The following PIBF1 variants were observed in gnomAD, a reference collection of about 807,000 sequenced individuals.
PIBF1 encodes the protein progesterone-induced-blocking factor 1.
PIBF1 carries 90 observed loss-of-function variants against 112.5 expected under a neutral mutation model. The observed-to-expected ratio is 0.80, with a 90% CI of 0.67 to 0.95. The LOEUF is 0.95. Among genes scored for constraint, PIBF1 ranks in the 40% least tolerant of loss-of-function variants. PIBF1 has a pLI of 0.00. For missense variants in PIBF1, 915 were observed against 852.3 expected (o/e 1.07, Z -0.92); for synonymous variants, 301 against 288.6 (o/e 1.04, Z -0.44).
At chr13:73,001,344 A>G (rs911928432) in intron 17 of PIBF1, among the ~76,000 whole-genome samples, 2 of 152,192 alleles carry the variant, frequency 1.3e-5, no homozygotes, top group Non-Finnish European at 1.5e-5. Context: ...AGAGCTAATC[A>G]TTTTATAATC....
intron 17 of PIBF1, among the ~76,000 whole-genome samples, chr13:73,012,123 G>C (rs868000102): frequency 3.9e-5 from 6 of 152,106 alleles, no homozygotes; most frequent in African/African-American, 1.4e-4. Flanking sequence ...AGGCCGAGGC[G>C]AGCAGATCAC....
chr13:72,898,849 A>C (rs1244141019), intron 11 of PIBF1, among the ~76,000 whole-genome samples: 3 of 144,918 alleles, frequency 2.1e-5, no homozygotes, highest in Non-Finnish European at 3.1e-5. Flanking sequence ...ACTCCATCTC[A>C]GAAAAAAAAA....
chr13:72,790,091 A>T (rs2034819516), intron 2 of PIBF1, among the ~76,000 whole-genome samples: 1 of 152,146 alleles, frequency 6.6e-6, no homozygotes, highest in Admixed American at 6.5e-5. Flanking sequence ...GATTTTTCTT[A>T]TGGGCTGGAT....
rs553144764 is a variant in PIBF1 at position 72,995,019 on chromosome 13, C to T, written c.2050-3803C>T. On this transcript the variant is annotated intron_variant, in intron 16 of 17. Coordinates refer to ENST00000326291, the MANE Select transcript of PIBF1 (RefSeq NM_006346.4). ...ACTTAATATAATAAAGAGGTTCTTG[C>T]GGACAGGTGCGGTGGCTCACACCTG... 2.2e-4 allele frequency among the ~76,000 whole-genome samples: 34 copies of T among 152,090 alleles called. No individual in the cohort carries two copies. The South Asian group carries it at 2.5e-3, about 11-fold the overall frequency.
chr13:72,943,408 A>G (rs1177075859), intron 14 of PIBF1, among the ~76,000 whole-genome samples: 1 of 152,246 alleles, frequency 6.6e-6, no homozygotes, highest in Non-Finnish European at 1.5e-5. Context: ...TGTCCTAAAT[A>G]TCCCTATTTG....
intron 15 of PIBF1, among the ~76,000 whole-genome samples, chr13:72,971,611 A>C (rs1200148750): frequency 6.6e-6 from 1 of 152,134 alleles, no homozygotes; most frequent in East Asian, 1.9e-4. Flanking sequence ...TTTTTATCTA[A>C]ATTAGTAACA....
At chr13:72,784,275 T>TAA (rs5804646) in intron 2 of PIBF1, among the ~76,000 whole-genome samples, 16,230 of 123,872 alleles carry the variant, frequency 0.13, 1,403 homozygotes, top group Non-Finnish European at 0.19. Flanking sequence ...CAGCTCTACT[T>TAA]AAAAAAAAAA....
At chr13:72,910,156 C>T (rs1002716851) in intron 12 of PIBF1, among the ~76,000 whole-genome samples, 6 of 152,108 alleles carry the variant, frequency 3.9e-5, no homozygotes, top group African/African-American at 1.2e-4. Context: ...CTATCATTGT[C>T]CTATTTCCCA....
chr13:72,811,895 A>G (rs574525207), intron 5 of PIBF1, among the ~76,000 whole-genome samples: 1 of 152,340 alleles, frequency 6.6e-6, no homozygotes, highest in Non-Finnish European at 1.5e-5. Context: ...TAAGTACGAC[A>G]TAATTGGGAA....
chr13:72,991,265 G>C (rs1481725080), intron 16 of PIBF1, among the ~76,000 whole-genome samples: 2 of 147,808 alleles, frequency 1.4e-5, no homozygotes, highest in East Asian at 3.9e-4. Flanking sequence ...CTCTCATAGA[G>C]ATTGTTTATG....
chr13:72,981,087 A>C lies in PIBF1; in HGVS notation c.2049+7412A>C, dbSNP rs574423208. On this transcript the variant is annotated intron_variant, in intron 16 of 17. Transcript: ENST00000326291. ...TGGTGAAACCCTGTCTCTACTAAAA[A>C]CACAAAAATTCGCCGGGCGTGGTGG... 7.6e-4 allele frequency among the ~76,000 whole-genome samples: 115 copies of C among 151,438 alleles called. 2 individuals are homozygous for C. The South Asian group carries it at 0.024, about 31-fold the overall frequency.
intron 14 of PIBF1, among the ~76,000 whole-genome samples, chr13:72,944,589 C>T (rs944031409): frequency 2.6e-5 from 4 of 151,840 alleles, no homozygotes; most frequent in African/African-American, 9.7e-5. Flanking sequence ...ACAAACTAAG[C>T]ATTTTAGGAG....
intron 10 of PIBF1, among the ~76,000 whole-genome samples, 154 bp from the exon 11 acceptor site, chr13:72,893,630 C>G (rs963769141): frequency 7.2e-5 from 11 of 151,880 alleles, no homozygotes; most frequent in Admixed American, 2.0e-4. Context: ...ATACATATAC[C>G]TACCTAAATT....
chr13:72,802,491 A>G (rs1391763359), intron 5 of PIBF1, among the ~76,000 whole-genome samples: 1 of 152,178 alleles, frequency 6.6e-6, no homozygotes, highest in Non-Finnish European at 1.5e-5. Context: ...ATTTTAAAGT[A>G]GAGCCAATAG....
chr13:72,792,895 TC>T, intron 3 of PIBF1, among the ~76,000 whole-genome samples: 1 of 152,368 alleles, frequency 6.6e-6, no homozygotes, highest in Non-Finnish European at 1.5e-5. Flanking sequence ...TTTCTATTAT[TC>T]CTGTGTACTT....
chr13:72,965,248 T>C (rs745813104), intron 14 of PIBF1, 26 bp from the exon 15 acceptor site: 4 of 1,598,982 alleles, frequency 2.5e-6, no homozygotes, highest in South Asian at 1.1e-5. Context: ...ATTTTCTAGA[T>C]TTTAATGAAA....
intron 15 of PIBF1, among the ~76,000 whole-genome samples, chr13:72,971,647 G>T (rs1038014742): frequency 2.0e-5 from 3 of 151,980 alleles, no homozygotes; most frequent in African/African-American, 7.2e-5. Context: ...ATAGTTTTAT[G>T]AGTTCAACAC....
chr13:72,868,611 C>T (rs956081173), intron 10 of PIBF1, among the ~76,000 whole-genome samples: 35 of 152,120 alleles, frequency 2.3e-4, no homozygotes, highest in African/African-American at 8.0e-4. Context: ...TTAAGCCATA[C>T]ATTTGATTAA....
At chr13:72,912,214 A>C (rs1279369983) in intron 12 of PIBF1, among the ~76,000 whole-genome samples, 1 of 152,126 alleles carries the variant, frequency 6.6e-6, no homozygotes, top group Non-Finnish European at 1.5e-5. Flanking sequence ...CTACCTGTAG[A>C]GCTATAAAAT....
Sources: gnomAD v4.1 joint callset for allele counts (sites outside exome capture counted in the v4.1 genomes callset) on GRCh38, gnomAD v4.1.1 for gene constraint, MANE v1.5 for transcripts, NCBI Gene and HGNC (gene_info 2026-07-23, HGNC 2026-07-21) for gene names.